Variants in XYLT1 observed in about 807,000 individuals in gnomAD.
The protein encoded by XYLT1 is xylosyltransferase 1, also known as beta-D-xylosyltransferase 1.
Under a neutral mutation model 91.3 loss-of-function variants are expected in XYLT1, and 36 were observed. The ratio of observed to expected loss-of-function variants is 0.39; its 90% CI spans 0.30 to 0.52. The LOEUF (loss-of-function observed/expected upper bound fraction) is 0.52. Ranked by LOEUF, XYLT1 falls within the 20% of genes least tolerant of loss-of-function variation. The pLI, the probability that XYLT1 is intolerant of heterozygous loss-of-function variation, is 0.68. For missense variants in XYLT1, 1,242 were observed against 1,284.5 expected (o/e 0.97, Z 0.51); for synonymous variants, 588 against 532.0 (o/e 1.11, Z -1.45).
intron 1 of XYLT1, among the ~76,000 whole-genome samples, chr16:17,447,833 T>C (rs2036612648): frequency 6.6e-6 from 1 of 152,226 alleles, no homozygotes; most frequent in Non-Finnish European, 1.5e-5. Flanking sequence ...GTACTACTTC[T>C]GGGGCTGCAG....
chr16:17,169,670 G>A (rs1374403137), intron 5 of XYLT1, among the ~76,000 whole-genome samples: 6 of 151,016 alleles, frequency 4.0e-5, no homozygotes, highest in African/African-American at 1.2e-4. Context: ...GTTGGGGGGC[G>A]GGCGGGGAGG....
chr16:17,201,006 G>A (rs1316519961), intron 3 of XYLT1, among the ~76,000 whole-genome samples: 4 of 152,202 alleles, frequency 2.6e-5, no homozygotes, highest in Non-Finnish European at 5.9e-5. Context: ...TTAATTTCGA[G>A]TTAGTGAACG....
intron 1 of XYLT1, among the ~76,000 whole-genome samples, chr16:17,447,089 C>T (rs1024193297): frequency 2.0e-5 from 3 of 150,030 alleles, no homozygotes; most frequent in African/African-American, 7.3e-5. Context: ...CAATTATTCA[C>T]GACCTCGCTT....
At chr16:17,218,632 A>G (rs2032905566) in intron 3 of XYLT1, among the ~76,000 whole-genome samples, 1 of 151,928 alleles carries the variant, frequency 6.6e-6, no homozygotes. Context: ...TGGCAAACCA[A>G]CCTCTCAAAT....
intron 1 of XYLT1, among the ~76,000 whole-genome samples, chr16:17,408,760 C>T (rs560853460): frequency 3.7e-4 from 57 of 152,300 alleles, no homozygotes; most frequent in African/African-American, 1.3e-3. Flanking sequence ...GCAGGAGAAT[C>T]GCTTGAACCC....
intron 1 of XYLT1, among the ~76,000 whole-genome samples, chr16:17,361,271 A>G (rs566818056): frequency 3.2e-4 from 48 of 152,348 alleles, no homozygotes; most frequent in African/African-American, 1.2e-3. Context: ...GATGCCAGAC[A>G]CGTGAAACAA....
At chr16:17,118,357 C>G (rs2029927844) in intron 10 of XYLT1, among the ~76,000 whole-genome samples, 1 of 152,216 alleles carries the variant, frequency 6.6e-6, no homozygotes, top group Non-Finnish European at 1.5e-5. Flanking sequence ...TGCCACTCAA[C>G]AGGTACAGCG....
intron 1 of XYLT1, among the ~76,000 whole-genome samples, chr16:17,397,372 T>C (rs542139913): frequency 3.3e-5 from 5 of 152,274 alleles, no homozygotes; most frequent in Admixed American, 6.5e-5. Context: ...TATGAACCTG[T>C]GGTGCTTAAA....
intron 2 of XYLT1, chr16:17,355,276 G>A (rs968329532): frequency 6.5e-6 from 1 of 152,936 alleles, no homozygotes; most frequent in African/African-American, 2.4e-5. Flanking sequence ...GTGGTGTCCA[G>A]AGTGAAGGAT....
At chr16:17,233,980 T>A (rs765006304) in intron 3 of XYLT1, among the ~76,000 whole-genome samples, 12 of 152,164 alleles carry the variant, frequency 7.9e-5, no homozygotes, top group Non-Finnish European at 1.5e-4. Flanking sequence ...CAAGGTTACT[T>A]GCTCTCCCTA....
At chr16:17,223,634 C>T (rs143106369) in intron 3 of XYLT1, among the ~76,000 whole-genome samples, 12 of 152,298 alleles carry the variant, frequency 7.9e-5, no homozygotes, top group African/African-American at 2.9e-4. Flanking sequence ...ATAGTGGAGT[C>T]AGATGGAAAG....
intron 1 of XYLT1, among the ~76,000 whole-genome samples, chr16:17,400,544 C>T (rs1167727714): frequency 6.9e-6 from 1 of 145,368 alleles, no homozygotes; most frequent in Non-Finnish European, 1.5e-5. Flanking sequence ...GAGCTGAGAT[C>T]ATGCCATCAC....
intron 6 of XYLT1, among the ~76,000 whole-genome samples, chr16:17,154,023 G>A (rs1040301429): frequency 6.6e-6 from 1 of 152,124 alleles, no homozygotes; most frequent in Admixed American, 6.5e-5. Context: ...AAGGTAAAGC[G>A]ACTCTCAAAC....
At chr16:17,446,531 C>A (rs1279424088) in intron 1 of XYLT1, among the ~76,000 whole-genome samples, 4 of 152,020 alleles carry the variant, frequency 2.6e-5, no homozygotes, top group Admixed American at 2.6e-4. Context: ...GTGATGCTGC[C>A]TCTTCTAGGA....
intron 5 of XYLT1, among the ~76,000 whole-genome samples, chr16:17,163,758 A>G (rs1416355975): frequency 2.6e-5 from 4 of 152,160 alleles, no homozygotes; most frequent in African/African-American, 4.8e-5. Context: ...GCAGAAACAC[A>G]CATGAAAGAC....
In XYLT1 at chr16:17,138,518, G is replaced by A. The variant is rs199714091; in HGVS notation, c.1601C>T (p.Thr534Met). The change falls in exon 8 of 12, where the codon ACG becomes ATG. Residue 534 changes from threonine to methionine, a missense_variant. By Grantham distance (81) the Thr-to-Met change is moderately conservative. Coordinates refer to ENST00000261381, the MANE Select transcript of XYLT1 (RefSeq NM_022166.4). ...TLLPAESFFH[T>M]VLENSPHCDT... The stretch of plus-strand genomic sequence containing the variant: ...GCAGTGGGGGCTGTTCTCCAGGACC[G>A]TATGGAAGAAGGACTGCAGGGGAGA... 87 of 1,614,026 alleles carry A rather than the reference G, an allele frequency of 5.4e-5. No homozygotes were observed. Among genetic ancestry groups the A allele is most frequent in the Middle Eastern group, 1.7e-4 (1 of 6,040 alleles).
Position 17,375,481 on chromosome 16 carries a change from A to AACACACACACACACACACACACACACAC in XYLT1, c.364-17432_364-17431insGTGTGTGTGTGTGTGTGTGTGTGTGTGT, listed in dbSNP as rs71137985. On this transcript the variant is annotated intron_variant, in intron 1 of 11. Coordinates refer to ENST00000261381, the MANE Select transcript of XYLT1 (RefSeq NM_022166.4). Reference sequence around the variant, plus strand: ...GTTTCTTGTTCAAGATAACATTTAAAACACACACACACACACACACACAGA... The same window carrying AACACACACACACACACACACACACACAC: ...GTTTCTTGTTCAAGATAACATTTAAAACACACACACACACACACACACACACACACACACACACACACACACACACAGA... Among the ~76,000 whole-genome samples, 111 of 147,532 alleles carry AACACACACACACACACACACACACACAC rather than the reference A, an allele frequency of 7.5e-4. 1 individual carries two copies. The highest frequency in any genetic ancestry group is 3.4e-3 in the Middle Eastern group (1 of 290).
intron 2 of XYLT1, among the ~76,000 whole-genome samples, chr16:17,332,128 G>A (rs1462725776): frequency 6.6e-6 from 1 of 152,218 alleles, no homozygotes; most frequent in Non-Finnish European, 1.5e-5. Context: ...GTGTGGCCCT[G>A]CATGGTGCAC....
Position 17,402,166 on chromosome 16 carries a change from A to C in XYLT1, c.364-44116T>G, listed in dbSNP as rs576826691. Reference sequence around the variant, plus strand: ...AAAAAAACACACACACACACACACAAAAAGTTAGCCAGGCATGGTGGTGCA... The same window carrying C: ...AAAAAAACACACACACACACACACACAAAGTTAGCCAGGCATGGTGGTGCA... On this transcript the variant is annotated intron_variant, in intron 1 of 11. Transcript: ENST00000261381. Among the ~76,000 whole-genome samples the C allele has an allele frequency of 2.8e-4, 43 of 151,488 alleles. No homozygotes were observed. In the East Asian group the frequency reaches 3.3e-3, roughly 12 times the overall value.
Sources: allele counts gnomAD v4.1 joint callset (sites outside exome capture counted in the v4.1 genomes callset), GRCh38; gene constraint gnomAD v4.1.1; transcripts MANE v1.5; gene names NCBI Gene and HGNC (gene_info 2026-07-23, HGNC 2026-07-21).